The following SYN2 variants were observed in gnomAD, a reference collection of about 807,000 sequenced individuals.
The protein encoded by SYN2 is synapsin-2.
In SYN2, 19 loss-of-function variants were observed where a neutral mutation model predicts 50.9. The observed-to-expected ratio is 0.37, with a 90% confidence interval of 0.26 to 0.55. The LOEUF is 0.55. SYN2 is among the 20% of genes least tolerant of loss of function. The probability of loss-of-function intolerance (pLI) is 0.81; values close to 1 mark genes in which losing one functional copy is unlikely to be tolerated. For synonymous variants in SYN2, 255 were observed against 224.9 expected (o/e 1.13, Z -1.20); for missense variants, 587 against 576.4 (o/e 1.02, Z -0.19).
At chr3:12,043,442 G>A (rs1694665267) in intron 1 of SYN2, among the ~76,000 whole-genome samples, 1 of 152,122 alleles carries the variant, frequency 6.6e-6, no homozygotes, top group Non-Finnish European at 1.5e-5. Flanking sequence ...ATTTACTGCA[G>A]GGTCTCCTAT....
At chr3:12,187,257 A>C in intron 11 of SYN2, 112 bp from the exon 12 acceptor site, 1 of 1,396,776 alleles carries the variant, frequency 7.2e-7, no homozygotes, top group Non-Finnish European at 9.4e-7. Flanking sequence ...GCTTCTTGGA[A>C]TAGAGCTTAT....
intron 1 of SYN2, among the ~76,000 whole-genome samples, chr3:12,020,038 T>A (rs1021531179): frequency 4.6e-5 from 7 of 152,172 alleles, no homozygotes; most frequent in African/African-American, 1.7e-4. Flanking sequence ...TTGCGTAGGT[T>A]GGATGAAAAT....
intron 1 of SYN2, among the ~76,000 whole-genome samples, chr3:12,040,410 G>A (rs1048549883): frequency 2.6e-5 from 4 of 151,196 alleles, no homozygotes; most frequent in Admixed American, 6.6e-5. Context: ...CAGCATCAAC[G>A]GTATTGGCAA....
intron 1 of SYN2, among the ~76,000 whole-genome samples, chr3:12,079,428 G>A (rs896293258): frequency 5.3e-5 from 8 of 152,130 alleles, no homozygotes; most frequent in Non-Finnish European, 1.0e-4. Context: ...GTATGATATC[G>A]ACTGTGGGTT....
At chr3:12,093,909 T>G (rs1031644720) in intron 1 of SYN2, among the ~76,000 whole-genome samples, 6 of 149,300 alleles carry the variant, frequency 4.0e-5, no homozygotes, top group African/African-American at 1.5e-4. Context: ...CAGGCTAGAG[T>G]GCAGTGGCAT....
chr3:12,118,794 T>C (rs1696488457), intron 1 of SYN2, among the ~76,000 whole-genome samples: 1 of 152,204 alleles, frequency 6.6e-6, no homozygotes, highest in Admixed American at 6.5e-5. Flanking sequence ...AAATTGCAAA[T>C]GTGAAATTTT....
At chr3:12,154,180 G>A (rs1697384300) in intron 5 of SYN2, 2 of 1,216,802 alleles carry the variant, frequency 1.6e-6, no homozygotes, top group Non-Finnish European at 2.3e-6. Context: ...TGAGATCAGG[G>A]CCTATAGACT....
At chr3:12,078,556 A>G (rs1695521146) in intron 1 of SYN2, among the ~76,000 whole-genome samples, 1 of 152,206 alleles carries the variant, frequency 6.6e-6, no homozygotes, top group African/African-American at 2.4e-5. Flanking sequence ...TTTATTAAAT[A>G]GGAAATCCTT....
chr3:12,135,986 A>C (rs757532654), intron 1 of SYN2, among the ~76,000 whole-genome samples: 1 of 152,258 alleles, frequency 6.6e-6, no homozygotes, highest in Non-Finnish European at 1.5e-5. Flanking sequence ...TCACATATGG[A>C]TCATCCCTGC....
intron 1 of SYN2, among the ~76,000 whole-genome samples, chr3:12,077,897 C>T (rs1057104191): frequency 6.6e-6 from 1 of 152,170 alleles, no homozygotes; most frequent in Non-Finnish European, 1.5e-5. Flanking sequence ...AATTGGCATA[C>T]CATCTTCCAC....
intron 1 of SYN2, among the ~76,000 whole-genome samples, chr3:12,083,657 G>C (rs971697531): frequency 6.6e-6 from 1 of 152,144 alleles, no homozygotes; most frequent in African/African-American, 2.4e-5. Context: ...ATGATTCTCT[G>C]AGTATAAAGA....
At chr3:12,121,443 G>A (rs960601440) in intron 1 of SYN2, among the ~76,000 whole-genome samples, 1 of 152,022 alleles carries the variant, frequency 6.6e-6, no homozygotes, top group African/African-American at 2.4e-5. Flanking sequence ...ATAGTTATTT[G>A]TTTACCACTA....
intron 1 of SYN2, among the ~76,000 whole-genome samples, chr3:12,050,412 C>T (rs1694831047): frequency 1.5e-5 from 2 of 136,696 alleles, no homozygotes; most frequent in African/African-American, 5.3e-5. Flanking sequence ...GTGGTACGAT[C>T]TTGGCTCACT....
chr3:12,190,790 T>G lies in SYN2; in HGVS notation c.*165T>G. ...TGTTGTGCAGCCCAGAAAGGACCAT[T>G]TGACAGTCTCAGGGCAGGTGCCTAC... On this transcript the variant is annotated 3_prime_UTR_variant, in exon 13 of 13. Transcript: ENST00000621198. 7.2e-7 allele frequency: 1 copy of G among 1,385,968 alleles called. No individual in the cohort carries two copies. The highest frequency in any genetic ancestry group is 9.3e-7 in the Non-Finnish European group (1 of 1,077,490). 85.9% of individuals were successfully genotyped at this position (1,385,968 alleles called of 1,614,324 possible).
At chr3:12,168,789 C>T (rs951927848) in intron 9 of SYN2, among the ~76,000 whole-genome samples, 1 of 152,212 alleles carries the variant, frequency 6.6e-6, no homozygotes, top group Non-Finnish European at 1.5e-5. Context: ...TGAGGCCTAA[C>T]ACCATGAGCA....
chr3:12,119,911 A>G (rs1206155853), intron 1 of SYN2, among the ~76,000 whole-genome samples: 1 of 152,182 alleles, frequency 6.6e-6, no homozygotes, highest in African/African-American at 2.4e-5. Flanking sequence ...TTCAATAGCA[A>G]CTTATGGAAC....
At chr3:12,005,019 T>C in intron 1 of SYN2, 91 bp downstream of exon 1, 1 of 394,162 alleles carries the variant, frequency 2.5e-6, no homozygotes, top group Non-Finnish European at 4.5e-6. Context: ...GAGGAAACGT[T>C]TCAGACCAAT....
intron 1 of SYN2, among the ~76,000 whole-genome samples, chr3:12,133,406 G>C (rs779062351): frequency 6.6e-6 from 1 of 152,180 alleles, no homozygotes; most frequent in Non-Finnish European, 1.5e-5. Flanking sequence ...TCAATGTAAA[G>C]CCTGACTGTT....
At chr3:12,074,052 T>TCTTG (rs894698036) in intron 1 of SYN2, among the ~76,000 whole-genome samples, 5 of 152,162 alleles carry the variant, frequency 3.3e-5, no homozygotes. Context: ...CCAGAGTAGT[T>TCTTG]CTATCTTCTT....
Sources: allele counts gnomAD v4.1 joint callset (sites outside exome capture counted in the v4.1 genomes callset), GRCh38; gene constraint gnomAD v4.1.1; transcripts MANE v1.5; gene names NCBI Gene and HGNC (gene_info 2026-07-23, HGNC 2026-07-21).